USP7: variants seen among roughly 807,000 people sequenced by gnomAD.
The protein encoded by USP7 is ubiquitin C-terminal hydrolase 7.
Under a neutral mutation model 162.9 loss-of-function variants are expected in USP7, and 9 were observed. The ratio of observed to expected loss-of-function variants is 0.06; its 90% CI spans 0.03 to 0.10. The LOEUF (loss-of-function observed/expected upper bound fraction) is 0.10. Ranked by LOEUF, USP7 falls within the 10% of genes least tolerant of loss-of-function variation. USP7 has a pLI of 1.00. For synonymous variants in USP7, 562 were observed against 475.9 expected, an observed-to-expected ratio of 1.18 and a Z score of -2.35; for missense variants, 715 against 1,373.7, an observed-to-expected ratio of 0.52 and a Z score of 7.58.
chr16:8,923,477 C>G, intron 2 of USP7, 64 bp from the exon 3 acceptor site: 1 of 1,547,272 alleles, frequency 6.5e-7, no homozygotes, highest in Non-Finnish European at 8.8e-7. Flanking sequence ...TAGCATTAAT[C>G]GACATGGAGT....
chr16:8,953,456 A>G (rs1003531096), intron 1 of USP7, among the ~76,000 whole-genome samples: 1 of 152,158 alleles, frequency 6.6e-6, no homozygotes, highest in Middle Eastern at 3.2e-3. Flanking sequence ...GGTACGATCC[A>G]AGGGGAAACC....
intron 1 of USP7, chr16:8,956,357 G>A (rs781305301): frequency 1.3e-5 from 2 of 152,218 alleles, no homozygotes; most frequent in African/African-American, 2.4e-5. Flanking sequence ...CATTCATGAA[G>A]TTAAAGCTCC....
chr16:8,900,039 G>A (rs2061749396), intron 21 of USP7: 1 of 496,624 alleles, frequency 2.0e-6, no homozygotes, highest in Non-Finnish European at 3.6e-6. Context: ...CTCCTCTACA[G>A]GAGCAGACCC....
chr16:8,942,953 C>T (rs1899113913), intron 1 of USP7, among the ~76,000 whole-genome samples: 1 of 152,192 alleles, frequency 6.6e-6, no homozygotes, highest in African/African-American at 2.4e-5. Context: ...GCTAGGTTGC[C>T]TTCAGTTCTG....
chr16:8,916,353 A>G, intron 8 of USP7, 149 bp downstream of exon 8: 1 of 745,548 alleles, frequency 1.3e-6, no homozygotes, highest in Non-Finnish European at 2.1e-6. Context: ...TTATAACTAG[A>G]CATCTGCTGC....
At chr16:8,938,317 C>G (rs1463965174) in intron 1 of USP7, among the ~76,000 whole-genome samples, 1 of 147,674 alleles carries the variant, frequency 6.8e-6, no homozygotes, top group African/African-American at 2.5e-5. Flanking sequence ...GATTCACACA[C>G]AGTCTTAAGA....
chr16:8,940,336 C>T (rs1166001622), intron 1 of USP7, among the ~76,000 whole-genome samples: 1 of 152,232 alleles, frequency 6.6e-6, no homozygotes, highest in Non-Finnish European at 1.5e-5. Context: ...AACCAGAACA[C>T]CGCCAAATGC....
chr16:8,895,261 T>TAA lies in USP7; in HGVS notation c.2920-113_2920-112dup, dbSNP rs112772703. 96 of 1,525,830 alleles carry TAA rather than the reference T, an allele frequency of 6.3e-5. 1 individual carries two copies. Among genetic ancestry groups the TAA allele is most frequent in the South Asian group, 4.3e-4 (36 of 82,860 alleles). 94.5% of individuals were successfully genotyped at this position (1,525,830 alleles called of 1,614,324 possible). On this transcript the variant is annotated intron_variant, in intron 27 of 30. Coordinates refer to ENST00000344836, the MANE Select transcript of USP7 (RefSeq NM_003470.3). Reference sequence around the variant, plus strand: ...CCCGGAGGGTAAAGCCTATTTTTGCTAAAAAAACGCCACACCTGGATCCAG... The same window carrying TAA: ...CCCGGAGGGTAAAGCCTATTTTTGCTAAAAAAAAACGCCACACCTGGATCCAG...
chr16:8,926,674 G>T (rs1056270055), intron 2 of USP7, among the ~76,000 whole-genome samples: 1 of 152,170 alleles, frequency 6.6e-6, no homozygotes, highest in Non-Finnish European at 1.5e-5. Flanking sequence ...TTCCAAGTAT[G>T]CTAGGTATTA....
chr16:8,944,036 C>T (rs1385111537), intron 1 of USP7, among the ~76,000 whole-genome samples: 1 of 152,018 alleles, frequency 6.6e-6, no homozygotes, highest in South Asian at 2.1e-4. Flanking sequence ...CATAGGGAGA[C>T]CCCCGTCTCT....
intron 10 of USP7, among the ~76,000 whole-genome samples, chr16:8,913,937 T>C (rs1165543477): frequency 3.3e-5 from 5 of 151,744 alleles, no homozygotes; most frequent in African/African-American, 1.2e-4. Flanking sequence ...GGAGTCTCAC[T>C]ATGTTGCCCA....
At chr16:8,946,297 AT>A (rs1477438479) in intron 1 of USP7, among the ~76,000 whole-genome samples, 1 of 152,128 alleles carries the variant, frequency 6.6e-6, no homozygotes, top group African/African-American at 2.4e-5. Context: ...CAACAAAAAA[AT>A]GGCAGGCGGC....
At chr16:8,921,647 C>T (rs1474271214) in intron 3 of USP7, among the ~76,000 whole-genome samples, 1 of 152,220 alleles carries the variant, frequency 6.6e-6, no homozygotes, top group African/African-American at 2.4e-5. Flanking sequence ...CCCTTCAGTG[C>T]CATGCCTCTC....
Position 8,899,203 on chromosome 16 carries a change from G to T in USP7, c.2464-15C>A, listed in dbSNP as rs755489752. 6.2e-7 allele frequency: 1 copy of T among 1,612,838 alleles called. No homozygotes were observed. Among genetic ancestry groups the T allele is most frequent in the Non-Finnish European group, 8.5e-7 (1 of 1,179,712 alleles). On this transcript the variant is annotated splice_polypyrimidine_tract_variant and intron_variant, in intron 22 of 30. Transcript: ENST00000344836. ...GTCTTTGCAACCTAAGACACAGAAA[G>T]GAAGGTTCACATTTTGGGGAAAAAT...
chr16:8,905,167 C>T lies in USP7; in HGVS notation c.1573+20G>A. The T allele has an allele frequency of 6.2e-7, 1 of 1,610,300 alleles. No individual in the cohort carries two copies. Among genetic ancestry groups the T allele is most frequent in the East Asian group, 2.2e-5 (1 of 44,786 alleles). Reference sequence around the variant, plus strand: ...AAGTCCACCACAGTAAAGAACAGAACAAAAGTGAACACTACTCACTCAGTT... The same window carrying T: ...AAGTCCACCACAGTAAAGAACAGAATAAAAGTGAACACTACTCACTCAGTT... On this transcript the variant is annotated intron_variant, in intron 14 of 30. Coordinates refer to ENST00000344836, the MANE Select transcript of USP7 (RefSeq NM_003470.3).
At chr16:8,955,667 C>A (rs956769481) in intron 1 of USP7, among the ~76,000 whole-genome samples, 3 of 141,380 alleles carry the variant, frequency 2.1e-5, no homozygotes, top group Non-Finnish European at 4.5e-5. Context: ...GATCACACCA[C>A]TGCACTCCAG....
intron 15 of USP7, among the ~76,000 whole-genome samples, 189 bp from the exon 16 acceptor site, chr16:8,903,591 G>C (rs903687692): frequency 6.6e-6 from 1 of 152,202 alleles, no homozygotes; most frequent in African/African-American, 2.4e-5. Flanking sequence ...TAGAAAAGGA[G>C]GCTGTGGGCA....
intron 13 of USP7, 81 bp downstream of exon 13, chr16:8,906,345 G>C (rs558699481): frequency 5.4e-6 from 8 of 1,494,542 alleles, no homozygotes; most frequent in Non-Finnish European, 7.2e-6. Flanking sequence ...AAGGTTCCGA[G>C]TAGGAACCAG....
chr16:8,907,448 C>T (rs2061878546), intron 12 of USP7, among the ~76,000 whole-genome samples: 2 of 152,204 alleles, frequency 1.3e-5, no homozygotes, highest in African/African-American at 2.4e-5. Flanking sequence ...GAATGACCAA[C>T]CTATATTCCA....
Sources: allele counts gnomAD v4.1 joint callset (sites outside exome capture counted in the v4.1 genomes callset), GRCh38; gene constraint gnomAD v4.1.1; transcripts MANE v1.5; gene names NCBI Gene and HGNC (gene_info 2026-07-23, HGNC 2026-07-21).